PDE1C: variants seen among roughly 807,000 people sequenced by gnomAD.
PDE1C encodes phosphodiesterase 1C.
PDE1C carries 62 observed loss-of-function variants against 93.1 expected under a neutral mutation model. The ratio of observed to expected loss-of-function variants is 0.67; its 90% CI spans 0.54 to 0.82. The LOEUF is 0.82. PDE1C is among the 40% of genes least tolerant of loss of function. PDE1C has a pLI of 0.00. For missense variants in PDE1C, 742 were observed against 884.6 expected (o/e 0.84, Z 2.04); for synonymous variants, 325 against 310.1 (o/e 1.05, Z -0.50).
the PDE1C span, among the ~76,000 whole-genome samples, chr7:31,674,080 A>G: frequency 2.2e-3 from 337 of 152,332 alleles, 2 homozygotes; most frequent in African/African-American, 7.6e-3. Flanking sequence ...GCACAAATGC[A>G]TACACCTGTG....
intron 3 of PDE1C, chr7:32,078,111 G>C: frequency 1.3e-6 from 1 of 778,360 alleles, no homozygotes; most frequent in South Asian, 5.8e-5. Context: ...GCCAAATTCT[G>C]ACCCAAAGGT....
At chr7:32,124,772 C>A (rs1799481282) in intron 3 of PDE1C, among the ~76,000 whole-genome samples, 1 of 152,134 alleles carries the variant, frequency 6.6e-6, no homozygotes, top group Non-Finnish European at 1.5e-5. Flanking sequence ...CATAAAAACC[C>A]TATGAGAAAA....
intron 3 of PDE1C, among the ~76,000 whole-genome samples, chr7:32,076,438 C>G (rs1584710713): frequency 1.3e-5 from 2 of 151,966 alleles, no homozygotes; most frequent in Admixed American, 6.5e-5. Context: ...GTCAGGAGTT[C>G]AAGACCAGCC....
chr7:31,644,198 C>T, the PDE1C span, among the ~76,000 whole-genome samples: 1 of 152,140 alleles, frequency 6.6e-6, no homozygotes, highest in East Asian at 1.9e-4. Context: ...CATCATTTTA[C>T]AGAAAGGAAA....
intron 17 of PDE1C, among the ~76,000 whole-genome samples, chr7:31,761,433 G>A (rs536425498): frequency 2.6e-5 from 4 of 152,276 alleles, no homozygotes; most frequent in African/African-American, 9.6e-5. Flanking sequence ...AAAATAGTTT[G>A]TGGCAATGGC....
At chr7:32,082,788 G>C (rs1328029826) in intron 3 of PDE1C, among the ~76,000 whole-genome samples, 1 of 152,226 alleles carries the variant, frequency 6.6e-6, no homozygotes. Context: ...CTGCAGCTGA[G>C]GGTCCTGTCT....
the PDE1C span, among the ~76,000 whole-genome samples, chr7:31,659,373 G>C: frequency 6.6e-6 from 1 of 152,162 alleles, no homozygotes; most frequent in African/African-American, 2.4e-5. Flanking sequence ...ACATTGGAAG[G>C]AGAGGTTTCC....
chr7:32,354,024 C>T (rs896932189), intron 1 of PDE1C, among the ~76,000 whole-genome samples: 1 of 152,172 alleles, frequency 6.6e-6, no homozygotes, highest in Non-Finnish European at 1.5e-5. Flanking sequence ...GAACTTTTGG[C>T]ATATTCATTC....
At chr7:32,322,367 C>T (rs948117582) in intron 1 of PDE1C, among the ~76,000 whole-genome samples, 5 of 152,100 alleles carry the variant, frequency 3.3e-5, no homozygotes, top group Middle Eastern at 3.4e-3. Flanking sequence ...TTTGGGAGGC[C>T]GAAGCAGGAG....
Position 31,962,062 on chromosome 7 carries a change from G to A in PDE1C, c.129-81202C>T, listed in dbSNP as rs1460055731. ...CTGTTATCTATCTATAATGTCCAGA[G>A]TTTCATAACTAAAAATAAAACTCTG... On this transcript the variant is annotated intron_variant, in intron 2 of 17. Coordinates refer to ENST00000396191, the MANE Select transcript of PDE1C (RefSeq NM_001191057.4). 3.3e-5 allele frequency among the ~76,000 whole-genome samples: 5 copies of A among 152,280 alleles called. No homozygotes were observed. In the South Asian group the frequency reaches 6.2e-4, roughly 19 times the overall value.
the PDE1C span, among the ~76,000 whole-genome samples, chr7:31,735,320 C>T: frequency 7.1e-4 from 107 of 151,766 alleles, no homozygotes; most frequent in Non-Finnish European, 1.4e-3. Flanking sequence ...ATCGCTTGAA[C>T]CCAGGAGGCG....
At chr7:31,969,999 G>C (rs1436622134) in intron 2 of PDE1C, among the ~76,000 whole-genome samples, 1 of 152,112 alleles carries the variant, frequency 6.6e-6, no homozygotes, top group African/African-American at 2.4e-5. Flanking sequence ...TTGTGGGGTT[G>C]GGGGAGTGGG....
At chr7:31,689,783 A>G in the PDE1C span, among the ~76,000 whole-genome samples, 22 of 152,198 alleles carry the variant, frequency 1.4e-4, no homozygotes, top group Non-Finnish European at 3.1e-4. Context: ...CCGTAATGAC[A>G]TCATTCATGA....
chr7:31,862,852 A>C (rs968815728), intron 7 of PDE1C, among the ~76,000 whole-genome samples: 1 of 152,130 alleles, frequency 6.6e-6, no homozygotes, highest in Non-Finnish European at 1.5e-5. Flanking sequence ...ATATTTGCCT[A>C]TTTTTTCACA....
chr7:31,755,132 G>C (rs1794373773), intron 17 of PDE1C, among the ~76,000 whole-genome samples: 1 of 152,138 alleles, frequency 6.6e-6, no homozygotes. Context: ...TCAACTCTAA[G>C]ACCACTCTAC....
intron 1 of PDE1C, among the ~76,000 whole-genome samples, chr7:32,221,842 G>C (rs1806892082): frequency 6.6e-6 from 1 of 152,152 alleles, no homozygotes; most frequent in Non-Finnish European, 1.5e-5. Context: ...AATGCAGAGG[G>C]TGATGGAGAG....
intron 2 of PDE1C, among the ~76,000 whole-genome samples, chr7:31,906,103 G>A (rs143310436): frequency 1.9e-4 from 29 of 152,224 alleles, no homozygotes; most frequent in African/African-American, 6.3e-4. Context: ...TTTATTAGCA[G>A]CATGAGAATA....
chr7:32,201,013 G>GT (rs1228949691), intron 2 of PDE1C, among the ~76,000 whole-genome samples: 1 of 152,198 alleles, frequency 6.6e-6, no homozygotes, highest in African/African-American at 2.4e-5. Flanking sequence ...TAAAACATGT[G>GT]TTACTAGATT....
chr7:31,869,031 T>C (rs926400787), intron 6 of PDE1C, among the ~76,000 whole-genome samples: 2 of 151,992 alleles, frequency 1.3e-5, no homozygotes, highest in African/African-American at 2.4e-5. Context: ...AGACCTACAG[T>C]GAATGCTTAA....
Sources: allele counts gnomAD v4.1 joint callset (sites outside exome capture counted in the v4.1 genomes callset), GRCh38; gene constraint gnomAD v4.1.1; transcripts MANE v1.5; gene names NCBI Gene and HGNC (gene_info 2026-07-23, HGNC 2026-07-21).